Variants in API5 observed in about 807,000 individuals in gnomAD.
API5 encodes FIF.
In API5, 6 loss-of-function variants were observed where a neutral mutation model predicts 71.9. The ratio of observed to expected loss-of-function variants is 0.08; its 90% CI spans 0.05 to 0.16. API5 has a LOEUF of 0.16. Ranked by LOEUF, API5 falls within the 10% of genes least tolerant of loss-of-function variation. API5 has a pLI of 1.00. For missense variants in API5, 332 were observed against 612.8 expected (o/e 0.54, Z 4.84); for synonymous variants, 189 against 221.3 (o/e 0.85, Z 1.30).
At chr11:43,337,317 C>A (rs1321045150) in intron 13 of API5, among the ~76,000 whole-genome samples, 1 of 152,002 alleles carries the variant, frequency 6.6e-6, no homozygotes, top group Non-Finnish European at 1.5e-5. Flanking sequence ...CCAAGCAAGA[C>A]CCTGTCTCTT....
chr11:43,342,233 C>T (rs1005603238), intron 13 of API5, among the ~76,000 whole-genome samples, 195 bp from the exon 14 acceptor site: 3 of 152,198 alleles, frequency 2.0e-5, no homozygotes, highest in Non-Finnish European at 4.4e-5. Context: ...TAGTCGGTAC[C>T]TTGCCTTACG....
intron 2 of API5, 85 bp downstream of exon 2, chr11:43,318,886 C>G (rs1198375913): frequency 1.5e-6 from 2 of 1,329,050 alleles, no homozygotes; most frequent in Non-Finnish European, 2.1e-6. Context: ...TCTGATATAT[C>G]AGAGTACACA....
intron 11 of API5, among the ~76,000 whole-genome samples, chr11:43,332,560 G>A (rs1393384675): frequency 6.6e-6 from 1 of 152,156 alleles, no homozygotes; most frequent in Non-Finnish European, 1.5e-5. Context: ...GAGATACATA[G>A]GGAGGGGTCT....
At chr11:43,316,852 A>T (rs1200961197) in intron 1 of API5, among the ~76,000 whole-genome samples, 3 of 152,304 alleles carry the variant, frequency 2.0e-5, no homozygotes, top group East Asian at 3.9e-4. Context: ...CAGGGTCTTG[A>T]TGTGTTTATA....
chr11:43,312,334 G>T, intron 1 of API5, 138 bp downstream of exon 1: 2 of 894,086 alleles, frequency 2.2e-6, no homozygotes, highest in Non-Finnish European at 3.5e-6. Flanking sequence ...AGGCCGTCTC[G>T]TCGGGGTGGG....
At position 43,326,629 on chromosome 11, in the gene API5, C is replaced by T. The variant is rs768140544; in HGVS notation, c.855+18C>T. 11 of 1,375,512 alleles carry T rather than the reference C, an allele frequency of 8.0e-6. No homozygotes were observed. Among genetic ancestry groups the T allele is most frequent in the Non-Finnish European group, 1.1e-5 (11 of 972,236 alleles). 85.2% of individuals were successfully genotyped at this position (1,375,512 alleles called of 1,614,324 possible). A position where few individuals can be genotyped will look rare whatever the true frequency, so the allele number is the denominator to read the frequency against. On this transcript the variant is annotated intron_variant, in intron 7 of 13. Transcript: ENST00000531273. ...AGTTGGAGGTAAGCAAAAATTTCAG[C>T]TTTAGCACTGATAAGGCATTCTTAT...
intron 1 of API5, among the ~76,000 whole-genome samples, chr11:43,317,000 G>A (rs1481214322): frequency 6.6e-6 from 1 of 152,032 alleles, no homozygotes; most frequent in South Asian, 2.1e-4. Context: ...ACTTAACATA[G>A]CATTATCAAC....
chr11:43,319,475 G>C (rs1045791444), intron 2 of API5, among the ~76,000 whole-genome samples: 3 of 152,104 alleles, frequency 2.0e-5, no homozygotes, highest in Admixed American at 6.5e-5. Flanking sequence ...CTGTTGCCTA[G>C]ACCAGAGTGC....
chr11:43,316,481 T>A (rs925266962), intron 1 of API5, among the ~76,000 whole-genome samples: 3 of 152,100 alleles, frequency 2.0e-5, no homozygotes, highest in Non-Finnish European at 4.4e-5. Context: ...AGATTTGTGA[T>A]ACCCTGCAAA....
chr11:43,342,160 G>A (rs921188447), intron 13 of API5, among the ~76,000 whole-genome samples: 18 of 152,216 alleles, frequency 1.2e-4, no homozygotes, highest in African/African-American at 3.9e-4. Context: ...TGTAGTTATC[G>A]TAACATCACC....
At chr11:43,322,221 G>A in intron 5 of API5, 85 bp downstream of exon 5, 1 of 1,318,736 alleles carries the variant, frequency 7.6e-7, no homozygotes, top group South Asian at 1.6e-5. Context: ...TGTTATGTGT[G>A]GCTTGTGTAT....
intron 9 of API5, 90 bp from the exon 10 acceptor site, chr11:43,329,875 A>C: frequency 9.7e-7 from 1 of 1,025,762 alleles, no homozygotes; most frequent in Non-Finnish European, 1.5e-6. Flanking sequence ...CCATTTCTGC[A>C]CTTAGGATCA....
chr11:43,338,052 TC>T (rs1226216216), intron 13 of API5, among the ~76,000 whole-genome samples: 1 of 152,200 alleles, frequency 6.6e-6, no homozygotes, highest in Non-Finnish European at 1.5e-5. Flanking sequence ...CTTCAGTTAT[TC>T]CCAGTCTTCA....
At chr11:43,326,243 C>T (rs1231917517) in intron 6 of API5, among the ~76,000 whole-genome samples, 2 of 152,114 alleles carry the variant, frequency 1.3e-5, no homozygotes, top group African/African-American at 4.8e-5. Flanking sequence ...AGTGTCTTGA[C>T]CTTGATGGAG....
intron 6 of API5, among the ~76,000 whole-genome samples, 194 bp downstream of exon 6, chr11:43,323,830 C>G (rs1232442004): frequency 6.6e-6 from 1 of 152,110 alleles, no homozygotes; most frequent in Admixed American, 6.5e-5. Context: ...AATCCAAAAC[C>G]TGAAATGCTT....
At chr11:43,314,259 C>T (rs1718434450) in intron 1 of API5, among the ~76,000 whole-genome samples, 1 of 152,118 alleles carries the variant, frequency 6.6e-6, no homozygotes, top group Non-Finnish European at 1.5e-5. Context: ...GACTTTGTTG[C>T]ATATCAGTAG....
chr11:43,338,648 TAAA>T (rs35510804), intron 13 of API5, among the ~76,000 whole-genome samples: 9,342 of 96,856 alleles, frequency 0.096, 468 homozygotes, highest in Non-Finnish European at 0.13. Flanking sequence ...CAATTGGAGG[TAAA>T]AAAAAAAAAA....
chr11:43,333,247 A>G (rs891297566), intron 11 of API5, among the ~76,000 whole-genome samples: 1 of 152,190 alleles, frequency 6.6e-6, no homozygotes, highest in Non-Finnish European at 1.5e-5. Context: ...TAACCTACAC[A>G]AACCCTCCCC....
chr11:43,337,007 CA>C (rs559170436), intron 13 of API5, among the ~76,000 whole-genome samples: 12,476 of 66,344 alleles, frequency 0.19, 335 homozygotes, highest in Non-Finnish European at 0.25. Context: ...GACTCCGTCT[CA>C]AAAAAAAAAA....
Sources: gnomAD v4.1 joint callset for allele counts (sites outside exome capture counted in the v4.1 genomes callset) on GRCh38, gnomAD v4.1.1 for gene constraint, MANE v1.5 for transcripts, NCBI Gene and HGNC (gene_info 2026-07-23, HGNC 2026-07-21) for gene names.